GLIS3: variants seen among roughly 807,000 people sequenced by gnomAD.
The protein encoded by GLIS3 is zinc finger protein GLIS3.
GLIS3 carries 53 observed loss-of-function variants against 78.6 expected under a neutral mutation model. The observed-to-expected ratio is 0.67, with a 90% confidence interval of 0.54 to 0.85. The LOEUF is 0.85. Among genes scored for constraint, GLIS3 ranks in the 40% least tolerant of loss-of-function variants. The pLI, the probability that GLIS3 is intolerant of heterozygous loss-of-function variation, is 0.00. For missense variants in GLIS3, 1,703 were observed against 1,231.1 expected (o/e 1.38, Z -5.74); for synonymous variants, 684 against 509.9 (o/e 1.34, Z -4.60).
chr9:4,219,519 T>C (rs986454592), intron 2 of GLIS3, among the ~76,000 whole-genome samples: 3 of 152,186 alleles, frequency 2.0e-5, no homozygotes, highest in African/African-American at 7.2e-5. Context: ...CCACTGAGCC[T>C]ACCCTCAATA....
chr9:3,951,343 C>T (rs964135757), intron 4 of GLIS3, among the ~76,000 whole-genome samples: 1 of 151,326 alleles, frequency 6.6e-6, no homozygotes, highest in Non-Finnish European at 1.5e-5. Context: ...TTATGATCCA[C>T]AGAGCCACTT....
At chr9:4,484,678 A>C in the GLIS3 span, among the ~76,000 whole-genome samples, 39 of 152,018 alleles carry the variant, frequency 2.6e-4, no homozygotes, top group Non-Finnish European at 1.2e-4. Context: ...TGGCCTCCCA[A>C]AGTGCTGGGA....
At chr9:4,399,189 A>G in the GLIS3 span, among the ~76,000 whole-genome samples, 1 of 152,204 alleles carries the variant, frequency 6.6e-6, no homozygotes, top group Non-Finnish European at 1.5e-5. Context: ...GAAATGATAA[A>G]TGTTTGGGAT....
chr9:4,209,986 G>A (rs1157966651), intron 2 of GLIS3, among the ~76,000 whole-genome samples: 1 of 152,150 alleles, frequency 6.6e-6, no homozygotes, highest in African/African-American at 2.4e-5. Context: ...TCAGTCTATG[G>A]CTTAACATCA....
chr9:4,407,294 A>T, the GLIS3 span, among the ~76,000 whole-genome samples: 1 of 152,240 alleles, frequency 6.6e-6, no homozygotes, highest in Non-Finnish European at 1.5e-5. Flanking sequence ...AAATCAAATC[A>T]AAATAAATTA....
the GLIS3 span, among the ~76,000 whole-genome samples, chr9:4,386,081 G>A: frequency 1.3e-5 from 2 of 152,270 alleles, no homozygotes; most frequent in Admixed American, 6.5e-5. Context: ...TATCCCTTCT[G>A]CAAATGCTTT....
intron 2 of GLIS3, among the ~76,000 whole-genome samples, chr9:4,176,286 C>A (rs1221599857): frequency 1.3e-5 from 2 of 152,106 alleles, no homozygotes; most frequent in African/African-American, 4.8e-5. Context: ...GAAGAAATAA[C>A]AACGATTTGT....
At chr9:4,257,763 T>C (rs1825115438) in intron 2 of GLIS3, among the ~76,000 whole-genome samples, 1 of 151,844 alleles carries the variant, frequency 6.6e-6, no homozygotes, top group African/African-American at 2.4e-5. Flanking sequence ...TTAGTAGAGA[T>C]GGGGTTTCAC....
At chr9:4,091,769 C>CG (rs2130756135) in intron 4 of GLIS3, among the ~76,000 whole-genome samples, 1 of 152,108 alleles carries the variant, frequency 6.6e-6, no homozygotes, top group African/African-American at 2.4e-5. Flanking sequence ...CCCAGCCCTG[C>CG]GGAACCCCTC....
intron 2 of GLIS3, among the ~76,000 whole-genome samples, chr9:4,230,617 G>T (rs1280453167): frequency 6.6e-6 from 1 of 152,150 alleles, no homozygotes; most frequent in Non-Finnish European, 1.5e-5. Context: ...CTGTGATACT[G>T]CCCAAGTCAT....
chr9:4,295,054 C>G (rs956140117), intron 1 of GLIS3, among the ~76,000 whole-genome samples: 5 of 152,178 alleles, frequency 3.3e-5, no homozygotes, highest in African/African-American at 1.2e-4. Flanking sequence ...AAAAGTGGCA[C>G]AGAAATTCTA....
chr9:4,227,062 G>A (rs938072669), intron 2 of GLIS3, among the ~76,000 whole-genome samples: 10 of 152,068 alleles, frequency 6.6e-5, no homozygotes, highest in Non-Finnish European at 1.0e-4. Context: ...TGCAGGGAGC[G>A]GTCTGTGGAA....
the GLIS3 span, among the ~76,000 whole-genome samples, chr9:4,397,118 T>G: frequency 6.2e-5 from 8 of 129,646 alleles, 1 homozygote; most frequent in East Asian, 8.5e-4. Context: ...CTCCACCTCC[T>G]GGGTTCACGC....
At chr9:3,905,893 G>C (rs1053129945) in intron 6 of GLIS3, among the ~76,000 whole-genome samples, 1 of 152,064 alleles carries the variant, frequency 6.6e-6, no homozygotes, top group Non-Finnish European at 1.5e-5. Flanking sequence ...ACTCTGTAGG[G>C]ATGATGCACA....
At chr9:4,194,887 A>G (rs1409036114) in intron 2 of GLIS3, among the ~76,000 whole-genome samples, 1 of 152,226 alleles carries the variant, frequency 6.6e-6, no homozygotes, top group East Asian at 1.9e-4. Flanking sequence ...GTTTTCCCAG[A>G]CCCAGGACCA....
At chr9:4,240,385 C>G (rs1317683264) in intron 2 of GLIS3, among the ~76,000 whole-genome samples, 1 of 152,162 alleles carries the variant, frequency 6.6e-6, no homozygotes. Context: ...TGTTCACTCA[C>G]CCACCACTCA....
upstream of GLIS3, among the ~76,000 whole-genome samples, chr9:4,303,316 G>C (rs142933796): frequency 1.3e-5 from 2 of 151,916 alleles, no homozygotes; most frequent in East Asian, 1.9e-4. Flanking sequence ...CAGTTACGTA[G>C]AAATGCAGTG....
chr9:4,201,384 A>G (rs749195907), intron 2 of GLIS3, among the ~76,000 whole-genome samples: 2 of 152,214 alleles, frequency 1.3e-5, no homozygotes, highest in African/African-American at 4.8e-5. Context: ...AAAAAGAAGA[A>G]GTCAAACTGT....
At chr9:4,459,962 T>G in the GLIS3 span, among the ~76,000 whole-genome samples, 1 of 152,064 alleles carries the variant, frequency 6.6e-6, no homozygotes, top group Non-Finnish European at 1.5e-5. Flanking sequence ...ACAGATGACC[T>G]TAATAAGAGC....
Sources: gnomAD v4.1 joint callset for allele counts (sites outside exome capture counted in the v4.1 genomes callset) on GRCh38, gnomAD v4.1.1 for gene constraint, MANE v1.5 for transcripts, NCBI Gene and HGNC (gene_info 2026-07-23, HGNC 2026-07-21) for gene names.